ZNF346: variants seen among roughly 807,000 people sequenced by gnomAD.
The protein encoded by ZNF346 is double-stranded RNA-binding zinc finger protein JAZ.
A neutral mutation model predicts 33.7 loss-of-function variants in ZNF346; 23 were observed. The observed-to-expected ratio is 0.68, with a 90% CI of 0.49 to 0.97. The LOEUF is 0.97. Ranked by LOEUF, ZNF346 falls within the 50% of genes least tolerant of loss-of-function variation. ZNF346 has a pLI of 0.00. For missense variants in ZNF346, 340 were observed against 371.1 expected (o/e 0.92, Z 0.69); for synonymous variants, 134 against 142.4 (o/e 0.94, Z 0.42).
rs975301130 is a variant in ZNF346 at position 177,077,531 on chromosome 5, A to G, written c.*3-1851A>G. Among the ~76,000 whole-genome samples the G allele has an allele frequency of 2.0e-5, 3 of 152,136 alleles. No individual in the cohort carries two copies. Among genetic ancestry groups the G allele is most frequent in the Non-Finnish European group, 2.9e-5 (2 of 68,020 alleles). ...CTCCCAAGCAACTCTAGGCATCCCT[A>G]TTCACAGCTCAGCTTCTCAGAGAGT... On this transcript the variant is annotated intron_variant, in intron 8 of 8. Coordinates refer to the ZNF346 transcript ENST00000503039. The surrounding 1 kb of genome is among the most constrained non-coding windows in gnomAD (Gnocchi z 5.0).
chr5:177,043,306 C>T (rs879345573), intron 3 of ZNF346, among the ~76,000 whole-genome samples: 2 of 152,132 alleles, frequency 1.3e-5, no homozygotes, highest in Admixed American at 6.6e-5. Context: ...GCCCTTTTCT[C>T]ACAATTTATA....
intron 5 of ZNF346, among the ~76,000 whole-genome samples, chr5:177,058,310 A>G (rs1782022461): frequency 6.6e-6 from 1 of 151,764 alleles, no homozygotes; most frequent in Non-Finnish European, 1.5e-5. Flanking sequence ...CGTGTCTACT[A>G]AAAATACAAA....
chr5:177,044,280 G>T (rs1328920526), intron 3 of ZNF346, 109 bp from the exon 4 acceptor site: 7 of 1,133,136 alleles, frequency 6.2e-6, no homozygotes, highest in African/African-American at 1.7e-5. Context: ...TGGGGTTAAT[G>T]TGTGAGGGGG....
At chr5:177,062,185 T>G (rs772875957) in intron 6 of ZNF346, 34 bp downstream of exon 6, 66 of 1,534,592 alleles carry the variant, frequency 4.3e-5, no homozygotes, top group Non-Finnish European at 5.3e-5. Flanking sequence ...CTAGGATCCA[T>G]AGCAGGAGCT....
chr5:177,061,247 C>T (rs1045597011), intron 5 of ZNF346, among the ~76,000 whole-genome samples: 1 of 152,018 alleles, frequency 6.6e-6, no homozygotes, highest in African/African-American at 2.4e-5. Flanking sequence ...GAGAGAGAGA[C>T]CATCATGGCC....
At chr5:177,034,274 G>A (rs1343727684) in intron 1 of ZNF346, among the ~76,000 whole-genome samples, 2 of 151,304 alleles carry the variant, frequency 1.3e-5, no homozygotes, top group East Asian at 1.9e-4. Flanking sequence ...GTGCAGTGGT[G>A]TGATCACAGC....
exon 9 of ZNF346, chr5:177,080,519 C>T (rs1783935163): frequency 6.6e-6 from 1 of 152,222 alleles, no homozygotes; most frequent in African/African-American, 2.4e-5. Context: ...GGGACTCAAA[C>T]CCAGATCTGT....
intron 1 of ZNF346, among the ~76,000 whole-genome samples, chr5:177,030,110 C>T (rs1777455398): frequency 6.6e-6 from 1 of 152,180 alleles, no homozygotes; most frequent in Admixed American, 6.5e-5. Flanking sequence ...CTCCAGAGCA[C>T]TGCTTTAGTT....
At chr5:177,078,115 C>T (rs1002186184) in intron 8 of ZNF346, among the ~76,000 whole-genome samples, 1 of 152,014 alleles carries the variant, frequency 6.6e-6, no homozygotes, top group African/African-American at 2.4e-5. Context: ...CCACTGCACT[C>T]CAGCCTGGGC....
Position 177,064,783 on chromosome 5 carries a change from A to T in ZNF346, c.*184A>T. 1.7e-6 allele frequency: 1 copy of T among 605,718 alleles called. No individual in the cohort carries two copies. The allele number at this position is 605,718 out of a possible 1,614,324, so 37.5% of individuals were successfully genotyped here. Reference sequence around the variant, plus strand: ...TTCACTCCTGCTGCTCCCCTTTGGCAGGGGTCCTGTAGGTCATGACAGGGG... The same window carrying T: ...TTCACTCCTGCTGCTCCCCTTTGGCTGGGGTCCTGTAGGTCATGACAGGGG... On this transcript the variant is annotated 3_prime_UTR_variant, in exon 7 of 7. Coordinates refer to ENST00000358149, the MANE Select transcript of ZNF346 (RefSeq NM_012279.4).
chr5:177,067,742 A>T lies in ZNF346; in HGVS notation c.*3143A>T, dbSNP rs1352253427. Among the ~76,000 whole-genome samples, 1 of 152,184 alleles carries T rather than the reference A, an allele frequency of 6.6e-6. No individual in the cohort carries two copies. Among genetic ancestry groups the T allele is most frequent in the Non-Finnish European group, 1.5e-5 (1 of 68,032 alleles). Reference sequence around the variant, plus strand: ...AGCTGACTCAGCCAAGGGCATGAAAAAGCTGGAGAGGTTGGAAAGCTAGCA... The same window carrying T: ...AGCTGACTCAGCCAAGGGCATGAAATAGCTGGAGAGGTTGGAAAGCTAGCA... On this transcript the variant is annotated 3_prime_UTR_variant, in exon 7 of 7. Transcript: ENST00000358149.
intron 5 of ZNF346, among the ~76,000 whole-genome samples, chr5:177,059,846 T>C (rs1474300285): frequency 6.6e-6 from 1 of 152,214 alleles, no homozygotes; most frequent in East Asian, 1.9e-4. Context: ...TGTGTTCTTA[T>C]GGAGCTTACA....
intron 5 of ZNF346, among the ~76,000 whole-genome samples, chr5:177,057,849 T>C (rs1220424014): frequency 1.3e-5 from 2 of 150,218 alleles, no homozygotes; most frequent in African/African-American, 2.5e-5. Context: ...GAGACAGAGT[T>C]TCGCTCTTAA....
intron 1 of ZNF346, among the ~76,000 whole-genome samples, chr5:177,025,071 A>G (rs889274441): frequency 6.6e-6 from 1 of 152,182 alleles, no homozygotes; most frequent in Non-Finnish European, 1.5e-5. Context: ...CTTTTAGAAC[A>G]TTTCCGTCAC....
chr5:177,026,405 G>C (rs1168097234), intron 1 of ZNF346, among the ~76,000 whole-genome samples: 1 of 145,206 alleles, frequency 6.9e-6, no homozygotes, highest in Non-Finnish European at 1.5e-5. Context: ...TATCGCCCAG[G>C]CTAGAGTGTG....
chr5:177,025,608 T>C (rs1271182523), intron 1 of ZNF346, among the ~76,000 whole-genome samples: 1 of 148,440 alleles, frequency 6.7e-6, no homozygotes, highest in East Asian at 1.9e-4. Context: ...TGATATCTCA[T>C]TGTGGTTTCC....
chr5:177,078,044 G>A (rs1783837250), intron 8 of ZNF346, among the ~76,000 whole-genome samples: 1 of 152,178 alleles, frequency 6.6e-6, no homozygotes, highest in Non-Finnish European at 1.5e-5. Flanking sequence ...CTACTCGGGT[G>A]GCTGAGGCAG....
chr5:177,037,757 TGAC>T (rs1179301163), intron 1 of ZNF346, among the ~76,000 whole-genome samples: 1 of 152,232 alleles, frequency 6.6e-6, no homozygotes, highest in Admixed American at 6.5e-5. Context: ...TACAGTCTGT[TGAC>T]AACAACTGTC....
chr5:177,038,876 T>TTG (rs56812954), intron 1 of ZNF346, among the ~76,000 whole-genome samples: 1,805 of 135,422 alleles, frequency 0.013, 21 homozygotes, highest in African/African-American at 0.02. Context: ...CTTCTTCTTC[T>TTG]TGTGTGTGTG....
Sources: gnomAD v4.1 joint callset for allele counts (sites outside exome capture counted in the v4.1 genomes callset) on GRCh38, gnomAD v4.1.1 for gene constraint, Gnocchi (gnomAD v3.1) non-coding constraint, MANE v1.5 for transcripts, NCBI Gene and HGNC (gene_info 2026-07-23, HGNC 2026-07-21) for gene names.